FMN1: variants seen among roughly 807,000 people sequenced by gnomAD.
FMN1 encodes the protein formin-1.
In FMN1, 110 loss-of-function variants were observed where a neutral mutation model predicts 132.4. That is an observed-to-expected ratio of 0.83 (90% confidence interval 0.71 to 0.97). The LOEUF is 0.97. Ranked by LOEUF, FMN1 falls within the 50% of genes least tolerant of loss-of-function variation. The pLI is 0.00. For missense variants in FMN1, 1,792 were observed against 1,705.3 expected (o/e 1.05, Z -0.90); for synonymous variants, 722 against 651.7 (o/e 1.11, Z -1.64).
chr15:32,772,754 C>G lies in FMN1; in HGVS notation c.*1556G>C, dbSNP rs1427003842. ...CTGACTGCAGTCTTCATTCTCGAAG[C>G]TGACATTAGATTAGGATATGGTGCT... is the stretch of plus-strand genomic sequence containing the variant. On this transcript the variant is annotated 3_prime_UTR_variant, in exon 21 of 21. Transcript: ENST00000616417. 6.6e-6 allele frequency: 1 copy of G among 152,208 alleles called. No individual in the cohort carries two copies. The highest frequency in any genetic ancestry group is 1.5e-5 in the Non-Finnish European group (1 of 68,058). The allele number at this position is 152,208 out of a possible 1,614,324, so 9.4% of individuals were successfully genotyped here. A position where few individuals can be genotyped will look rare whatever the true frequency, so the allele number is the denominator to read the frequency against.
chr15:32,800,919 T>C (rs1406030006), intron 18 of FMN1, among the ~76,000 whole-genome samples: 2 of 152,246 alleles, frequency 1.3e-5, no homozygotes, highest in Non-Finnish European at 2.9e-5. Context: ...TTTTTCTCTT[T>C]CTTATGCTTA....
chr15:33,082,018 G>C (rs1490552952), intron 5 of FMN1, among the ~76,000 whole-genome samples: 1 of 105,858 alleles, frequency 9.4e-6, no homozygotes, highest in Non-Finnish European at 1.8e-5. Context: ...GAAGAGTTCA[G>C]GGGTGTGTGT....
At chr15:33,020,511 G>A (rs1271763549) in intron 6 of FMN1, among the ~76,000 whole-genome samples, 1 of 152,108 alleles carries the variant, frequency 6.6e-6, no homozygotes, top group East Asian at 1.9e-4. Flanking sequence ...GCCGGGCGTG[G>A]TGGCAGGTGC....
At position 33,088,909 on chromosome 15, in the gene FMN1, T is replaced by C. The variant is rs774299759; in HGVS notation, c.1933A>G (p.Arg645Gly). 5.9e-6 allele frequency: 9 copies of C among 1,535,916 alleles called. No individual in the cohort carries two copies. The highest frequency in any genetic ancestry group is 7.8e-6 in the Non-Finnish European group (9 of 1,146,818). Residue 645 changes from arginine (R) to glycine (G), a missense_variant, in exon 5 of 21, where the codon AGA (arginine) becomes GGA (glycine). Physicochemically the swap from Arg to Gly is moderately radical, Grantham distance 125. Around this residue, in one of 3 missense-constraint regions of FMN1, gnomAD observed 1,150 missense variants for 1,043.1 expected, o/e 1.10. Transcript: ENST00000616417. ...CCCAGAACCCACGCGCCTCCATCTCTGTTGGGAAGGTCTTTAGGTGTCTGC... is the reference window on the plus strand; with the variant it reads ...CCCAGAACCCACGCGCCTCCATCTCCGTTGGGAAGGTCTTTAGGTGTCTGC... ...NEQTPKDLPN[R>G]DGGAWVLGYR...
intron 19 of FMN1, among the ~76,000 whole-genome samples, chr15:32,790,075 A>T (rs986382442): frequency 1.3e-5 from 2 of 152,144 alleles, no homozygotes; most frequent in African/African-American, 2.4e-5. Context: ...AAGTGCTGCA[A>T]ATTTATATTA....
intron 7 of FMN1, among the ~76,000 whole-genome samples, chr15:32,987,619 T>C (rs776424868): frequency 3.3e-5 from 5 of 152,176 alleles, no homozygotes; most frequent in African/African-American, 4.8e-5. Context: ...TTCTTCTCAG[T>C]TGAAATTTAC....
At chr15:33,068,815 C>T (rs1364911606) in intron 5 of FMN1, among the ~76,000 whole-genome samples, 2 of 152,160 alleles carry the variant, frequency 1.3e-5, no homozygotes, top group African/African-American at 4.8e-5. Flanking sequence ...ACCCAGTGTC[C>T]ACCAGCAACA....
intron 5 of FMN1, among the ~76,000 whole-genome samples, chr15:33,080,445 A>G (rs113713168): frequency 3.9e-5 from 6 of 152,246 alleles, no homozygotes; most frequent in African/African-American, 1.4e-4. Flanking sequence ...ATTTAATTAT[A>G]TGTCTGCTTA....
chr15:32,799,502 T>C (rs2057405877), intron 18 of FMN1, among the ~76,000 whole-genome samples: 1 of 152,232 alleles, frequency 6.6e-6, no homozygotes, highest in African/African-American at 2.4e-5. Context: ...ATAAGAGATG[T>C]AGATGATATG....
At chr15:32,996,186 C>T (rs921290706) in intron 7 of FMN1, among the ~76,000 whole-genome samples, 14 of 152,288 alleles carry the variant, frequency 9.2e-5, no homozygotes, top group African/African-American at 3.4e-4. Context: ...CAAGTTACAA[C>T]ATTGTCACAC....
At chr15:32,953,676 C>G (rs1318451645) in intron 9 of FMN1, among the ~76,000 whole-genome samples, 2 of 152,162 alleles carry the variant, frequency 1.3e-5, no homozygotes, top group East Asian at 1.9e-4. Context: ...CCAGGCCTCT[C>G]GACCGTGGAA....
chr15:32,830,028 T>C (rs1330221466), intron 17 of FMN1, among the ~76,000 whole-genome samples: 4 of 152,212 alleles, frequency 2.6e-5, no homozygotes, highest in Non-Finnish European at 5.9e-5. Flanking sequence ...CTGCAACTCA[T>C]TTTAATGTCT....
At chr15:33,102,345 G>A (rs747671358) in intron 4 of FMN1, among the ~76,000 whole-genome samples, 1 of 152,120 alleles carries the variant, frequency 6.6e-6, no homozygotes, top group Non-Finnish European at 1.5e-5. Flanking sequence ...GATGTAAATA[G>A]AGGAGTAAAA....
rs879164059 is a variant in FMN1 at position 32,768,842 on chromosome 15, A to C, written c.*5468T>G. 6.6e-6 allele frequency: 1 copy of C among 152,218 alleles called. No individual in the cohort carries two copies. The highest frequency in any genetic ancestry group is 2.4e-5 in the African/African-American group (1 of 41,448). The allele number at this position is 152,218 out of a possible 1,614,324, so 9.4% of individuals were successfully genotyped here. ...AATGTAGAAAAATAAATTGATGGCT[A>C]TATCTAACACCTTCATATAAAAATG... On this transcript the variant is annotated 3_prime_UTR_variant, in exon 21 of 21. Coordinates refer to ENST00000616417, the MANE Select transcript of FMN1 (RefSeq NM_001277313.2).
At chr15:32,870,821 T>C (rs921768814) in intron 16 of FMN1, among the ~76,000 whole-genome samples, 1 of 152,162 alleles carries the variant, frequency 6.6e-6, no homozygotes, top group Non-Finnish European at 1.5e-5. Flanking sequence ...CCCACAAAAA[T>C]CGCCACCATG....
At position 33,154,974 on chromosome 15, in the gene FMN1, TC is replaced by T; in HGVS notation, c.-61del. 1 of 1,393,894 alleles carries T rather than the reference TC, an allele frequency of 7.2e-7. No individual in the cohort carries two copies. Among genetic ancestry groups the T allele is most frequent in the Non-Finnish European group, 9.6e-7 (1 of 1,045,386 alleles). 86.3% of individuals were successfully genotyped at this position (1,393,894 alleles called of 1,614,324 possible). On this transcript the variant is annotated 5_prime_UTR_variant, in exon 4 of 21. The change creates a premature stop within an existing upstream ORF in the 5' untranslated region. Transcript: ENST00000616417. Reference sequence around the variant, plus strand: ...CGGTTTGTGGTCAGGCTTCCCAGGCTCCAGTGGTGAGGCATGTGATGGTGGC... The same window carrying T: ...CGGTTTGTGGTCAGGCTTCCCAGGCTCAGTGGTGAGGCATGTGATGGTGGC...
chr15:33,163,079 G>T (rs1270564603), intron 3 of FMN1, among the ~76,000 whole-genome samples: 1 of 152,072 alleles, frequency 6.6e-6, no homozygotes, highest in Non-Finnish European at 1.5e-5. Flanking sequence ...CCGAGATCAC[G>T]CCACTGTACT....
intron 14 of FMN1, among the ~76,000 whole-genome samples, chr15:32,899,291 G>GA (rs1271154125): frequency 6.6e-6 from 1 of 152,146 alleles, no homozygotes; most frequent in African/African-American, 2.4e-5. Flanking sequence ...TTAATGGTGT[G>GA]AAAAACAATC....
At chr15:33,152,586 G>C (rs992333972) in intron 4 of FMN1, among the ~76,000 whole-genome samples, 1 of 151,972 alleles carries the variant, frequency 6.6e-6, no homozygotes, top group African/African-American at 2.4e-5. Flanking sequence ...AGACATAAGT[G>C]AAGACACAGC....
Sources: gnomAD v4.1 joint callset for allele counts (sites outside exome capture counted in the v4.1 genomes callset) on GRCh38, gnomAD v4.1.1 for gene constraint, gnomAD v4.1.1 regional missense constraint, MANE v1.5 for transcripts, NCBI Gene and HGNC (gene_info 2026-07-23, HGNC 2026-07-21) for gene names.